The following FRMD3 variants were observed in gnomAD, a reference collection of about 807,000 sequenced individuals.
FRMD3 encodes FERM domain-containing protein 3.
In FRMD3, 33 loss-of-function variants were observed where a neutral mutation model predicts 70.2. The ratio of observed to expected loss-of-function variants is 0.47; its 90% CI spans 0.36 to 0.63. The LOEUF is 0.63. Among genes scored for constraint, FRMD3 ranks in the 20% least tolerant of loss-of-function variants. The pLI is 0.00. For missense variants in FRMD3, 632 were observed against 711.4 expected (o/e 0.89, Z 1.27); for synonymous variants, 279 against 255.9 (o/e 1.09, Z -0.86).
At chr9:83,318,995 TG>T (rs1479988570) in intron 6 of FRMD3, among the ~76,000 whole-genome samples, 22 of 152,096 alleles carry the variant, frequency 1.4e-4, no homozygotes, top group Non-Finnish European at 2.6e-4. Context: ...TAAGGGGGGT[TG>T]TTTTTTTTCT....
At chr9:83,488,962 C>T (rs1828747918) in intron 1 of FRMD3, among the ~76,000 whole-genome samples, 1 of 132,568 alleles carries the variant, frequency 7.5e-6, no homozygotes, top group Admixed American at 7.6e-5. Context: ...GAGCTTAGCC[C>T]CCTATACCTT....
At chr9:83,536,396 C>G (rs552699988) in intron 1 of FRMD3, among the ~76,000 whole-genome samples, 2 of 152,232 alleles carry the variant, frequency 1.3e-5, no homozygotes, top group East Asian at 3.9e-4. Flanking sequence ...CAGAAGAGGG[C>G]TGAGAGACAG....
At chr9:83,378,153 G>A (rs576133196) in intron 2 of FRMD3, among the ~76,000 whole-genome samples, 2 of 152,116 alleles carry the variant, frequency 1.3e-5, no homozygotes, top group African/African-American at 2.4e-5. Context: ...TTGGTGCATC[G>A]TGAAGGCTCA....
intron 3 of FRMD3, among the ~76,000 whole-genome samples, chr9:83,358,710 A>C (rs1461073806): frequency 6.9e-6 from 1 of 145,516 alleles, no homozygotes; most frequent in African/African-American, 2.5e-5. Context: ...TTATTTATTT[A>C]TTTGTAGCTA....
In FRMD3 at chr9:83,313,699, G is replaced by A; in HGVS notation, c.645C>T (p.His215=). The change falls in exon 7 of 14, where the codon CAC becomes CAT. Residue 215 remains histidine, a synonymous_variant. Coordinates refer to ENST00000304195, the MANE Select transcript of FRMD3 (RefSeq NM_174938.6). ...VAEFNLLLKA[H]TLETYGVDPH... ...GATCCACCCCGTAGGTTTCCAAAGT[G>A]TGAGCTTTCAGGAGCAAGTTAAATT... The A allele has an allele frequency of 1.9e-6, 3 of 1,614,176 alleles. No homozygotes were observed. Among genetic ancestry groups the A allele is most frequent in the Non-Finnish European group, 2.5e-6 (3 of 1,179,982 alleles).
At chr9:83,272,603 C>T (rs1327943000) in intron 13 of FRMD3, among the ~76,000 whole-genome samples, 1 of 151,820 alleles carries the variant, frequency 6.6e-6, no homozygotes, top group Non-Finnish European at 1.5e-5. Flanking sequence ...TGCCCGGCCG[C>T]CCAGTCTGGG....
chr9:83,269,990 C>G (rs1833477727), intron 13 of FRMD3, among the ~76,000 whole-genome samples: 1 of 152,112 alleles, frequency 6.6e-6, no homozygotes, highest in Non-Finnish European at 1.5e-5. Flanking sequence ...TGACTCTGCC[C>G]ACAGGGGTGT....
chr9:83,273,145 A>G (rs1563987497), intron 13 of FRMD3, among the ~76,000 whole-genome samples: 1 of 152,284 alleles, frequency 6.6e-6, no homozygotes, highest in South Asian at 2.1e-4. Flanking sequence ...CCAACAGCTC[A>G]TTGAGAACGG....
At chr9:83,581,803 T>A in the FRMD3 span, among the ~76,000 whole-genome samples, 2 of 152,198 alleles carry the variant, frequency 1.3e-5, no homozygotes, top group Non-Finnish European at 2.9e-5. Context: ...AGTGTGTAGT[T>A]ATGCTAAGTG....
At chr9:83,539,049 C>T (rs375128863), upstream of FRMD3, among the ~76,000 whole-genome samples, 4 of 152,340 alleles carry the variant, frequency 2.6e-5, no homozygotes, top group South Asian at 8.3e-4. Flanking sequence ...TGCAAATCCT[C>T]CTTTAAATCT....
intron 1 of FRMD3, among the ~76,000 whole-genome samples, chr9:83,392,359 T>C (rs146381302): frequency 6.6e-6 from 1 of 152,238 alleles, no homozygotes; most frequent in African/African-American, 2.4e-5. Context: ...ACTGTTGTCA[T>C]TTTTGTCCCT....
intron 1 of FRMD3, among the ~76,000 whole-genome samples, chr9:83,514,282 G>T (rs949176069): frequency 6.6e-6 from 1 of 152,176 alleles, no homozygotes; most frequent in African/African-American, 2.4e-5. Flanking sequence ...TGGGGAGAGG[G>T]ACGTCCACCA....
intron 1 of FRMD3, among the ~76,000 whole-genome samples, chr9:83,461,502 A>G (rs1420185798): frequency 6.6e-6 from 1 of 152,002 alleles, no homozygotes; most frequent in Non-Finnish European, 1.5e-5. Context: ...GTATCAGGGA[A>G]GGCTTCCCAG....
At chr9:83,439,034 G>C (rs566587244) in intron 1 of FRMD3, among the ~76,000 whole-genome samples, 2 of 152,274 alleles carry the variant, frequency 1.3e-5, no homozygotes, top group African/African-American at 2.4e-5. Flanking sequence ...CTTTAAAAAG[G>C]CATCTGTGAG....
At chr9:83,396,429 C>T (rs759810097) in intron 1 of FRMD3, among the ~76,000 whole-genome samples, 10 of 152,182 alleles carry the variant, frequency 6.6e-5, no homozygotes, top group African/African-American at 1.9e-4. Context: ...TATGCACATG[C>T]GTGTACACAC....
intron 13 of FRMD3, among the ~76,000 whole-genome samples, chr9:83,251,382 G>A (rs1162065371): frequency 3.3e-5 from 5 of 152,144 alleles, no homozygotes; most frequent in East Asian, 3.8e-4. Flanking sequence ...CATAAAGATC[G>A]AAGATAGATA....
At chr9:83,385,199 ATC>A (rs1463858455) in intron 2 of FRMD3, among the ~76,000 whole-genome samples, 1 of 147,052 alleles carries the variant, frequency 6.8e-6, no homozygotes, top group East Asian at 2.0e-4. Flanking sequence ...AAAAAAAAAA[ATC>A]TAAACTTAAG....
intron 1 of FRMD3, among the ~76,000 whole-genome samples, chr9:83,394,399 A>G (rs1825756517): frequency 6.6e-6 from 1 of 152,174 alleles, no homozygotes; most frequent in African/African-American, 2.4e-5. Context: ...AGAGTGGGCT[A>G]ACCCTTTTGA....
chr9:83,572,843 T>C, the FRMD3 span, among the ~76,000 whole-genome samples: 7 of 152,194 alleles, frequency 4.6e-5, no homozygotes, highest in Non-Finnish European at 7.3e-5. Flanking sequence ...CACTTTCCAT[T>C]TCTGTTTGGC....
Sources: allele counts gnomAD v4.1 joint callset (sites outside exome capture counted in the v4.1 genomes callset), GRCh38; gene constraint gnomAD v4.1.1; transcripts MANE v1.5; gene names NCBI Gene and HGNC (gene_info 2026-07-23, HGNC 2026-07-21).